MEX3C: variants seen among roughly 807,000 people sequenced by gnomAD.
MEX3C encodes the protein RNA-binding E3 ubiquitin-protein ligase MEX3C.
Under a neutral mutation model 35.5 loss-of-function variants are expected in MEX3C, and 15 were observed. The observed-to-expected ratio is 0.42, with a 90% CI of 0.28 to 0.65. The LOEUF (loss-of-function observed/expected upper bound fraction) is 0.65, where lower values mean the gene tolerates loss of function less well. Among genes scored for constraint, MEX3C ranks in the 30% least tolerant of loss-of-function variants. The pLI is 0.20. For synonymous variants in MEX3C, 390 were observed against 352.8 expected (o/e 1.11, Z -1.18); for missense variants, 711 against 842.8 (o/e 0.84, Z 1.94).
At position 51,196,317 on chromosome 18, in the gene MEX3C, G is replaced by A. The variant is rs540340190; in HGVS notation, c.754+250C>T. The A allele has an allele frequency of 5.1e-4, 406 of 789,136 alleles. 1 individual carries two copies. Among genetic ancestry groups the A allele is most frequent in the Non-Finnish European group, 5.5e-4 (292 of 531,616 alleles). The allele number at this position is 789,136 out of a possible 1,614,324, so 48.9% of individuals were successfully genotyped here. A position where few individuals can be genotyped will look rare whatever the true frequency, so the allele number is the denominator to read the frequency against. On this transcript the variant is annotated intron_variant, in intron 1 of 1. Coordinates refer to ENST00000406189, the MANE Select transcript of MEX3C (RefSeq NM_016626.5). ...GTTCCACGAATACAGCCCAAGTAAC[G>A]TGAACACCACCGGACTGGGTCGCCC... is the stretch of plus-strand genomic sequence containing the variant.
rs1047564372 is a variant in MEX3C, at chr18:51,174,983, C to A, written c.*1368G>T. 2.0e-5 allele frequency: 3 copies of A among 152,532 alleles called. No homozygotes were observed. Among genetic ancestry groups the A allele is most frequent in the South Asian group, 2.1e-4 (1 of 4,834 alleles). 9.4% of individuals were successfully genotyped at this position (152,532 alleles called of 1,614,324 possible). The stretch of plus-strand genomic sequence containing the variant: ...TACTGACCATTTACTATCCTACAAG[C>A]AATTAGCATTACATCATAATATGCC... On this transcript the variant is annotated 3_prime_UTR_variant, in exon 2 of 2. Transcript: ENST00000406189.
rs142163350 is a variant in MEX3C, at chr18:51,177,263, G to A, written c.1068C>T (p.Thr356=). 53 of 1,613,780 alleles carry A rather than the reference G, an allele frequency of 3.3e-5. No homozygotes were observed. Among genetic ancestry groups the A allele is most frequent in the Non-Finnish European group, 4.5e-5 (53 of 1,179,898 alleles). Residue 356 remains threonine (T), a synonymous_variant, in exon 2 of 2, where the codon ACC becomes ACT. Transcript: ENST00000406189. The surrounding 1 kb of genome is among the most constrained non-coding windows in gnomAD (Gnocchi z 4.2). Reference sequence around the variant, plus strand: ...TGCTCGGAGTTACTATGTAGGTGTGGGTCTGCTGCTGAATTCTTTTAATAG... The same window carrying A: ...TGCTCGGAGTTACTATGTAGGTGTGAGTCTGCTGCTGAATTCTTTTAATAG... ...GATIKRIQQQ[T]HTYIVTPSRD... is the part of the protein sequence containing the mutation.
At chr18:51,188,977 G>C (rs2144555612) in intron 1 of MEX3C, among the ~76,000 whole-genome samples, 1 of 152,258 alleles carries the variant, frequency 6.6e-6, no homozygotes, top group South Asian at 2.1e-4. Flanking sequence ...ACCACTTACT[G>C]AGATAGGCAC....
Position 51,196,813 on chromosome 18 carries a change from C to A in MEX3C, c.508G>T (p.Ala170Ser), listed in dbSNP as rs1314883808. 2.0e-6 allele frequency: 3 copies of A among 1,532,302 alleles called. No individual in the cohort carries two copies. In the East Asian group the frequency reaches 7.5e-5, roughly 38 times the overall value. 94.9% of individuals were successfully genotyped at this position (1,532,302 alleles called of 1,614,324 possible). ...GSLGSVLLPA[A>S]RFDAREAAAA... ...GCCGCCTCCCGGGCATCGAACCTGGCGGCTGGCAGCAGCACAGACCCCAGG... is the reference window on the plus strand; with the variant it reads ...GCCGCCTCCCGGGCATCGAACCTGGAGGCTGGCAGCAGCACAGACCCCAGG... Residue 170 changes from alanine (A) to serine (S), a missense_variant, in exon 1 of 2, where the codon GCC becomes TCC. By Grantham distance (99) the Ala-to-Ser change is moderately conservative. This residue lies in a region of MEX3C where 354 missense variants were observed against 311.6 expected (regional missense o/e 1.14). Transcript: ENST00000406189.
At chr18:51,184,295 C>T (rs1912488746) in intron 1 of MEX3C, among the ~76,000 whole-genome samples, 5 of 152,120 alleles carry the variant, frequency 3.3e-5, no homozygotes, top group Non-Finnish European at 7.3e-5. Context: ...CTGCCCAATA[C>T]CTTGATTTGA....
chr18:51,181,513 TA>T (rs10714697), intron 1 of MEX3C, among the ~76,000 whole-genome samples: 144,487 of 152,286 alleles, frequency 0.95, 69,000 homozygotes, highest in East Asian at 1. Context: ...ACAATGCTAG[TA>T]AAGAGTGGGG....
Position 51,176,513 on chromosome 18 carries a change from G to T in MEX3C, c.1818C>A (p.His606Gln). The change falls in exon 2 of 2, where the codon CAC becomes CAA. Residue 606 changes from histidine (H) to glutamine (Q), a missense_variant. Around this residue, in one of 4 missense-constraint regions of MEX3C, gnomAD observed 87 missense variants for 150.4 expected, o/e 0.58. Transcript: ENST00000406189. ...SSSPPESRRKHDCVICFENEV... is the reference protein window; with the variant it reads ...SSSPPESRRKQDCVICFENEV... ...CATTCTCAAAGCAAATCACACAGTCGTGCTTTCGTCTTGATTCTGGAGGTG... is the reference window on the plus strand; with the variant it reads ...CATTCTCAAAGCAAATCACACAGTCTTGCTTTCGTCTTGATTCTGGAGGTG... 1.9e-6 allele frequency: 3 copies of T among 1,613,950 alleles called. No individual in the cohort carries two copies. The highest frequency in any genetic ancestry group is 1.7e-6 in the Non-Finnish European group (2 of 1,179,884).
Position 51,196,682 on chromosome 18 carries a change from C to A in MEX3C, c.639G>T (p.Ala213=), listed in dbSNP as rs763671580. 1 of 1,544,526 alleles carries A rather than the reference C, an allele frequency of 6.5e-7. No homozygotes were observed. The highest frequency in any genetic ancestry group is 8.7e-7 in the Non-Finnish European group (1 of 1,150,436). Residue 213 remains alanine (A), a synonymous_variant, in exon 1 of 2, where the codon GCG becomes GCT. Transcript: ENST00000406189. ...CCTGCTCCCCGTTCAGGGCGGCCGCCGCCGCCCCACAACCGCCGGGGCCGT... is the reference window on the plus strand; with the variant it reads ...CCTGCTCCCCGTTCAGGGCGGCCGCAGCCGCCCCACAACCGCCGGGGCCGT... The part of the protein sequence containing the change: ...HAYGPGGCGA[A]AAALNGEQAA...
rs927648975 is a variant in MEX3C, at chr18:51,177,798, A to C, written c.755-222T>G. Among the ~76,000 whole-genome samples the C allele has an allele frequency of 2.0e-5, 3 of 152,188 alleles. No homozygotes were observed. The highest frequency in any genetic ancestry group is 6.5e-5 in the Admixed American group (1 of 15,288). On this transcript the variant is annotated intron_variant, in intron 1 of 1. Coordinates refer to ENST00000406189, the MANE Select transcript of MEX3C (RefSeq NM_016626.5). The surrounding 1 kb of genome is among the most constrained non-coding windows in gnomAD (Gnocchi z 4.2). ...GAACCTCGATTTTCACAATTATCTG[A>C]CAGAAGTTATTAAACTGACTTCCAC... is the stretch of plus-strand genomic sequence containing the variant.
chr18:51,196,738 C>T lies in MEX3C; in HGVS notation c.583G>A (p.Gly195Ser). Reference sequence around the variant, plus strand: ...TGGGACAGCATCGCCGCCATCATGCCCTGGGCATCGTCCCCTCCGTACAGC... The same window carrying T: ...TGGGACAGCATCGCCGCCATCATGCTCTGGGCATCGTCCCCTCCGTACAGC... ...GVLYGGDDAQ[G>S]MMAAMLSHAY... Residue 195 changes from glycine to serine, a missense_variant, in exon 1 of 2, where the codon GGC (glycine) becomes AGC (serine). This residue lies in a region of MEX3C where 354 missense variants were observed against 311.6 expected (regional missense o/e 1.14). Transcript: ENST00000406189. The T allele has an allele frequency of 1.3e-6, 2 of 1,521,314 alleles. No individual in the cohort carries two copies. Among genetic ancestry groups the T allele is most frequent in the Non-Finnish European group, 1.8e-6 (2 of 1,135,520 alleles). The allele number at this position is 1,521,314 out of a possible 1,614,324, so 94.2% of individuals were successfully genotyped here.
chr18:51,197,645 CG>C lies in MEX3C; in HGVS notation c.-326del. 6.6e-6 allele frequency among the ~76,000 whole-genome samples: 1 copy of C among 151,352 alleles called. No individual in the cohort carries two copies. The highest frequency in any genetic ancestry group is 2.1e-4 in the South Asian group (1 of 4,792). ...GGCCTTAACCAGCCCCCGGCGCGCGCGGCGGCGGCGGCTACGCCCCACGCCG... is the reference window on the plus strand; with the variant it reads ...GGCCTTAACCAGCCCCCGGCGCGCGCGCGGCGGCGGCTACGCCCCACGCCG... On this transcript the variant is annotated 5_prime_UTR_variant, in exon 1 of 2. Coordinates refer to ENST00000406189, the MANE Select transcript of MEX3C (RefSeq NM_016626.5).
intron 1 of MEX3C, among the ~76,000 whole-genome samples, chr18:51,188,397 C>T (rs1230061894): frequency 6.6e-6 from 1 of 151,926 alleles, no homozygotes; most frequent in Non-Finnish European, 1.5e-5. Flanking sequence ...AGCTCAGCTT[C>T]AGCTCAGAAG....
At chr18:51,190,715 AGACTT>A (rs893263012) in intron 1 of MEX3C, among the ~76,000 whole-genome samples, 10 of 152,212 alleles carry the variant, frequency 6.6e-5, no homozygotes, top group Admixed American at 6.5e-5. Context: ...TATAGAATAA[AGACTT>A]GAACTACTCA....
At chr18:51,182,303 C>T (rs1017258839) in intron 1 of MEX3C, among the ~76,000 whole-genome samples, 5 of 152,072 alleles carry the variant, frequency 3.3e-5, no homozygotes, top group Admixed American at 1.3e-4. Flanking sequence ...AAGGGGGGGA[C>T]TACTGTACAA....
intron 1 of MEX3C, among the ~76,000 whole-genome samples, chr18:51,183,428 C>T (rs1912470799): frequency 6.6e-6 from 1 of 152,166 alleles, no homozygotes; most frequent in Admixed American, 6.5e-5. Flanking sequence ...AAATGAAAGT[C>T]CATGGAGCTG....
rs533544865 is a variant in MEX3C at position 51,176,754 on chromosome 18, G to C, written c.1577C>G (p.Pro526Arg). The C allele has an allele frequency of 1.6e-4, 263 of 1,614,004 alleles. 2 individuals carry two copies. The South Asian group carries it at 1.7e-3, about 11-fold the overall frequency. Residue 526 changes from proline to arginine, a missense_variant, in exon 2 of 2, where the codon CCT becomes CGT. Coordinates refer to ENST00000406189, the MANE Select transcript of MEX3C (RefSeq NM_016626.5). ...GCGCTGAGTCTTCATGTTACCAGAA[G>C]GATCACTCCCAAAGCCAGAGAGTGG... is the stretch of plus-strand genomic sequence containing the variant. ...VNPLSGFGSD[P>R]SGNMKTQRRG...
At chr18:51,178,827 T>C (rs1339693035) in intron 1 of MEX3C, among the ~76,000 whole-genome samples, 1 of 146,366 alleles carries the variant, frequency 6.8e-6, no homozygotes, top group Non-Finnish European at 1.5e-5. Context: ...CCCACTGCAC[T>C]CCAGCCTGGG....
At position 51,175,307 on chromosome 18, in the gene MEX3C, G is replaced by A. The variant is rs1404473482; in HGVS notation, c.*1044C>T. 1 of 152,600 alleles carries A rather than the reference G, an allele frequency of 6.6e-6. No individual in the cohort carries two copies. The highest frequency in any genetic ancestry group is 6.5e-5 in the Admixed American group (1 of 15,270). The allele number at this position is 152,600 out of a possible 1,614,324, so 9.5% of individuals were successfully genotyped here. A position where few individuals can be genotyped will look rare whatever the true frequency, so the allele number is the denominator to read the frequency against. ...AGTTATAGACATCCACAGGTGAAAT[G>A]TACGAGTATATTTTAAATAAATCTT... On this transcript the variant is annotated 3_prime_UTR_variant, in exon 2 of 2. Coordinates refer to ENST00000406189, the MANE Select transcript of MEX3C (RefSeq NM_016626.5).
Position 51,197,135 on chromosome 18 carries a change from C to G in MEX3C, c.186G>C (p.Pro62=). The part of the protein sequence containing the change: ...LAALGLDDPS[P]AEPGAPALRA... ...GAAGCGCCGGGGCGCCGGGCTCCGC[C>G]GGGCTGGGGTCGTCGAGGCCTAGCG... Residue 62 remains proline (P), a synonymous_variant, in exon 1 of 2, where the codon CCG becomes CCC. Coordinates refer to ENST00000406189, the MANE Select transcript of MEX3C (RefSeq NM_016626.5). 8.3e-6 allele frequency: 9 copies of G among 1,087,070 alleles called. No homozygotes were observed. Among genetic ancestry groups the G allele is most frequent in the Non-Finnish European group, 1.0e-5 (9 of 900,270 alleles). 67.3% of individuals were successfully genotyped at this position (1,087,070 alleles called of 1,614,324 possible).
Sources: gnomAD v4.1 joint callset for allele counts (sites outside exome capture counted in the v4.1 genomes callset) on GRCh38, gnomAD v4.1.1 for gene constraint, gnomAD v4.1.1 regional missense constraint, Gnocchi (gnomAD v3.1) non-coding constraint, MANE v1.5 for transcripts, NCBI Gene and HGNC (gene_info 2026-07-23, HGNC 2026-07-21) for gene names.